Variants in MAPKAPK2 observed in about 807,000 individuals in gnomAD.
MAPKAPK2 encodes the protein MAPK activated protein kinase 2, also known as MAP kinase-activated protein kinase 2.
MAPKAPK2 carries 9 observed loss-of-function variants against 48.8 expected under a neutral mutation model. That is an observed-to-expected ratio of 0.18 (90% CI 0.11 to 0.32). The LOEUF (loss-of-function observed/expected upper bound fraction) is 0.32. Among genes scored for constraint, MAPKAPK2 ranks in the 10% least tolerant of loss-of-function variants. The pLI is 1.00. For missense variants in MAPKAPK2, 331 were observed against 498.3 expected (o/e 0.66, Z 3.20); for synonymous variants, 202 against 190.6 (o/e 1.06, Z -0.49).
At chr1:206,695,582 G>A (rs1303521878) in intron 1 of MAPKAPK2, among the ~76,000 whole-genome samples, 1 of 149,138 alleles carries the variant, frequency 6.7e-6, no homozygotes, top group African/African-American at 2.5e-5. Flanking sequence ...CATCTTCTCT[G>A]TACCATGCCT....
rs1673556319 is a variant in MAPKAPK2, at chr1:206,722,535, C to T, written c.280-6175C>T. Among the ~76,000 whole-genome samples, 4 of 152,012 alleles carry T rather than the reference C, an allele frequency of 2.6e-5. No homozygotes were observed. The South Asian group carries it at 8.3e-4, about 31-fold the overall frequency. ...TATCTTTATTCTTGAATAAAATAAGCTAAAGAAAATAAGCATCGTTAAGAA... is the reference window on the plus strand; with the variant it reads ...TATCTTTATTCTTGAATAAAATAAGTTAAAGAAAATAAGCATCGTTAAGAA... On this transcript the variant is annotated intron_variant, in intron 1 of 9. Coordinates refer to ENST00000367103, the MANE Select transcript of MAPKAPK2 (RefSeq NM_032960.4).
intron 1 of MAPKAPK2, among the ~76,000 whole-genome samples, chr1:206,688,191 C>T (rs1251792247): frequency 6.6e-6 from 1 of 152,168 alleles, no homozygotes; most frequent in Non-Finnish European, 1.5e-5. Context: ...TTGCAAGGGA[C>T]TTGAAAGGTC....
chr1:206,711,758 C>G (rs1673151983), intron 1 of MAPKAPK2, among the ~76,000 whole-genome samples: 1 of 151,950 alleles, frequency 6.6e-6, no homozygotes, highest in South Asian at 2.1e-4. Context: ...GCTAGGACTA[C>G]TGGCCTGTGC....
chr1:206,699,600 C>G lies in MAPKAPK2; in HGVS notation c.279+14092C>G, dbSNP rs1558575948. 2.6e-5 allele frequency among the ~76,000 whole-genome samples: 4 copies of G among 152,260 alleles called. No individual in the cohort carries two copies. The South Asian group carries it at 8.3e-4, about 32-fold the overall frequency. ...GAGCCAGGAGAAGTCACGAAGGAGG[C>G]AAGAAAAAGAAATGGCTGGGCTAAA... On this transcript the variant is annotated intron_variant, in intron 1 of 9. Coordinates refer to ENST00000367103, the MANE Select transcript of MAPKAPK2 (RefSeq NM_032960.4).
rs782395395 is a variant in MAPKAPK2, at chr1:206,731,754, G to A, written c.978+29G>A. The A allele has an allele frequency of 2.5e-6, 4 of 1,612,740 alleles. No homozygotes were observed. Among genetic ancestry groups the A allele is most frequent in the Admixed American group, 3.3e-5 (2 of 60,028 alleles). The stretch of plus-strand genomic sequence containing the variant: ...AGCTCGGCAGGCTGGGGAGCCTTGG[G>A]TCTCACGGGACTATTCCACAGGACA... On this transcript the variant is annotated intron_variant, in intron 8 of 9. Transcript: ENST00000367103. The surrounding 1 kb of genome is among the most constrained non-coding windows in gnomAD (Gnocchi z 5.9).
At chr1:206,697,526 G>A (rs1189273803) in intron 1 of MAPKAPK2, among the ~76,000 whole-genome samples, 1 of 152,052 alleles carries the variant, frequency 6.6e-6, no homozygotes, top group Non-Finnish European at 1.5e-5. Flanking sequence ...GTCGAGAAGA[G>A]GGAGCATGGG....
rs554280635 is a variant in MAPKAPK2 at position 206,729,262 on chromosome 1, T to C, written c.485-134T>C. The C allele has an allele frequency of 1.2e-4, 133 of 1,086,364 alleles. No homozygotes were observed. In the African/African-American group the frequency reaches 1.6e-3, roughly 13 times the overall value. 67.3% of individuals were successfully genotyped at this position (1,086,364 alleles called of 1,614,324 possible). Reference sequence around the variant, plus strand: ...CTGACCAGGGAAGCTCCTGGTGGCTTTGTTTCTGGGGTGGGTGGTGGCTGT... The same window carrying C: ...CTGACCAGGGAAGCTCCTGGTGGCTCTGTTTCTGGGGTGGGTGGTGGCTGT... On this transcript the variant is annotated intron_variant, in intron 3 of 9. Transcript: ENST00000367103.
intron 1 of MAPKAPK2, among the ~76,000 whole-genome samples, chr1:206,703,152 C>A (rs1247894912): frequency 2.0e-5 from 3 of 152,216 alleles, no homozygotes; most frequent in Admixed American, 6.5e-5. Context: ...GCCCAGAGCT[C>A]ATCAGCTCCA....
intron 1 of MAPKAPK2, among the ~76,000 whole-genome samples, chr1:206,710,807 C>T (rs1673118762): frequency 6.6e-6 from 1 of 152,238 alleles, no homozygotes; most frequent in South Asian, 2.1e-4. Flanking sequence ...GAAAGATACT[C>T]ATTCCATATT....
At chr1:206,707,876 T>C (rs1444653022) in intron 1 of MAPKAPK2, among the ~76,000 whole-genome samples, 1 of 152,238 alleles carries the variant, frequency 6.6e-6, no homozygotes, top group African/African-American at 2.4e-5. Flanking sequence ...ATTTTGCCTA[T>C]GTGAAACCAG....
chr1:206,712,493 T>TG (rs1553429642), intron 1 of MAPKAPK2, among the ~76,000 whole-genome samples: 145 of 152,280 alleles, frequency 9.5e-4, no homozygotes, highest in Middle Eastern at 3.4e-3. Flanking sequence ...AGATGGGTTT[T>TG]TTTGTTGTTG....
At chr1:206,687,306 T>A (rs1672316940) in intron 1 of MAPKAPK2, among the ~76,000 whole-genome samples, 1 of 152,256 alleles carries the variant, frequency 6.6e-6, no homozygotes, top group Non-Finnish European at 1.5e-5. Flanking sequence ...TTCAGATTTC[T>A]CTTGTAACTA....
chr1:206,719,680 G>A (rs1415466026), intron 1 of MAPKAPK2, among the ~76,000 whole-genome samples: 1 of 152,208 alleles, frequency 6.6e-6, no homozygotes, highest in Admixed American at 6.5e-5. Flanking sequence ...GTAGAGGAAC[G>A]TCAGTAGTTC....
At chr1:206,691,440 C>A in intron 1 of MAPKAPK2, among the ~76,000 whole-genome samples, 1 of 128,436 alleles carries the variant, frequency 7.8e-6, no homozygotes. Flanking sequence ...TGCTGTGTAC[C>A]TTTTCTAGTT....
chr1:206,722,468 T>G (rs1553431343), intron 1 of MAPKAPK2, among the ~76,000 whole-genome samples: 1 of 152,254 alleles, frequency 6.6e-6, no homozygotes, highest in Non-Finnish European at 1.5e-5. Flanking sequence ...CCTTACTGAT[T>G]ACATAGTTGA....
intron 1 of MAPKAPK2, among the ~76,000 whole-genome samples, chr1:206,720,445 G>A (rs1255729854): frequency 1.3e-5 from 2 of 152,128 alleles, no homozygotes; most frequent in Non-Finnish European, 2.9e-5. Flanking sequence ...TCCGCTTCCT[G>A]GGTTCAAGTG....
At position 206,685,131 on chromosome 1, in the gene MAPKAPK2, A is replaced by C; in HGVS notation, c.-99A>C. ...GGAAGCCGGCTCCAGCCCGGAGCGA[A>C]CTTCGCAGCCCGTCGGGGGGCGGCG... On this transcript the variant is annotated 5_prime_UTR_variant, in exon 1 of 10. Transcript: ENST00000367103. 1 of 214,874 alleles carries C rather than the reference A, an allele frequency of 4.7e-6. No homozygotes were observed. Among genetic ancestry groups the C allele is most frequent in the Non-Finnish European group, 8.9e-6 (1 of 111,740 alleles). The allele number at this position is 214,874 out of a possible 1,614,324, so 13.3% of individuals were successfully genotyped here.
At chr1:206,686,736 A>G (rs1572472293) in intron 1 of MAPKAPK2, among the ~76,000 whole-genome samples, 1 of 152,244 alleles carries the variant, frequency 6.6e-6, no homozygotes, top group South Asian at 2.1e-4. Context: ...ATGTTTTAAA[A>G]GAAACACCAG....
intron 1 of MAPKAPK2, among the ~76,000 whole-genome samples, chr1:206,693,826 T>G (rs1553426630): frequency 6.6e-6 from 1 of 152,206 alleles, no homozygotes; most frequent in African/African-American, 2.4e-5. Context: ...AAGTGTGACC[T>G]CATCTTGTCA....
Sources: allele counts gnomAD v4.1 joint callset (sites outside exome capture counted in the v4.1 genomes callset), GRCh38; gene constraint gnomAD v4.1.1; non-coding constraint Gnocchi (gnomAD v3.1); transcripts MANE v1.5; gene names NCBI Gene and HGNC (gene_info 2026-07-23, HGNC 2026-07-21).